Variants in DYNC1I1 observed in about 807,000 individuals in gnomAD.
DYNC1I1 encodes the protein dynein cytoplasmic 1 intermediate chain 1.
DYNC1I1 carries 43 observed loss-of-function variants against 86.6 expected under a neutral mutation model. That is an observed-to-expected ratio of 0.50 (90% CI 0.39 to 0.64). The LOEUF is 0.64. DYNC1I1 is among the 30% of genes least tolerant of loss of function. DYNC1I1 has a pLI of 0.00. For missense variants in DYNC1I1, 604 were observed against 788.8 expected (o/e 0.77, Z 2.81); for synonymous variants, 262 against 283.7 (o/e 0.92, Z 0.77).
At chr7:95,803,446 A>G (rs1157719970) in intron 1 of DYNC1I1, among the ~76,000 whole-genome samples, 2 of 152,252 alleles carry the variant, frequency 1.3e-5, no homozygotes, top group African/African-American at 2.4e-5. Flanking sequence ...GGTTATTGCA[A>G]TCATTCTGAT....
rs374878096 is a variant in DYNC1I1, at chr7:96,031,369, A to G, written c.1117-1298A>G. Reference sequence around the variant, plus strand: ...GGGAGAGGAGTAACAGGGAACAACTATCTATAAATATTCAAAAAGCTGTAC... The same window carrying G: ...GGGAGAGGAGTAACAGGGAACAACTGTCTATAAATATTCAAAAAGCTGTAC... On this transcript the variant is annotated intron_variant, in intron 11 of 16. Transcript: ENST00000447467. Among the ~76,000 whole-genome samples the G allele has an allele frequency of 7.9e-5, 12 of 152,292 alleles. No individual in the cohort carries two copies. The East Asian group carries it at 1.9e-3, about 24-fold the overall frequency.
chr7:95,920,565 G>T (rs1791584689), intron 6 of DYNC1I1, among the ~76,000 whole-genome samples: 1 of 152,178 alleles, frequency 6.6e-6, no homozygotes, highest in Non-Finnish European at 1.5e-5. Context: ...TGGGTGAGGG[G>T]TCCATCCAAA....
At chr7:95,851,242 CA>C (rs1206956243) in intron 5 of DYNC1I1, among the ~76,000 whole-genome samples, 1 of 151,882 alleles carries the variant, frequency 6.6e-6, no homozygotes, top group Non-Finnish European at 1.5e-5. Context: ...GCCAATATCA[CA>C]ACATTTGATC....
chr7:96,080,073 C>T (rs1330388847), intron 15 of DYNC1I1, among the ~76,000 whole-genome samples: 1 of 152,108 alleles, frequency 6.6e-6, no homozygotes, highest in Non-Finnish European at 1.5e-5. Context: ...TGGATGTACA[C>T]TTGTCATAAT....
At chr7:96,043,741 C>G (rs1487954402) in intron 14 of DYNC1I1, among the ~76,000 whole-genome samples, 2 of 151,458 alleles carry the variant, frequency 1.3e-5, no homozygotes, top group Non-Finnish European at 2.9e-5. Flanking sequence ...AATGTAGTCT[C>G]TCTCTGTTGA....
downstream of DYNC1I1, among the ~76,000 whole-genome samples, chr7:96,099,743 A>G (rs551523510): frequency 1.4e-4 from 22 of 152,186 alleles, 1 homozygote; most frequent in Non-Finnish European, 2.9e-4. Context: ...CCCACCTCCA[A>G]AAATCATCAC....
chr7:96,081,091 A>AAAGAC (rs1790507393), intron 16 of DYNC1I1, among the ~76,000 whole-genome samples: 3 of 151,608 alleles, frequency 2.0e-5, no homozygotes, highest in African/African-American at 7.3e-5. Context: ...AAAGAAAAGA[A>AAAGAC]AAGAAAAGTT....
At chr7:95,899,637 C>T (rs1790981927) in intron 6 of DYNC1I1, among the ~76,000 whole-genome samples, 1 of 152,162 alleles carries the variant, frequency 6.6e-6, no homozygotes, top group Admixed American at 6.5e-5. Context: ...ACCACTCCTT[C>T]AGGCACGTTG....
chr7:95,996,103 C>T (rs1318410264), intron 10 of DYNC1I1, 30 bp downstream of exon 10: 1 of 1,613,568 alleles, frequency 6.2e-7, no homozygotes, highest in South Asian at 1.1e-5. Context: ...AAATAACTTA[C>T]ATCTCCTGCT....
intron 6 of DYNC1I1, among the ~76,000 whole-genome samples, chr7:95,927,810 T>C (rs2116398901): frequency 6.6e-6 from 1 of 152,348 alleles, no homozygotes; most frequent in East Asian, 1.9e-4. Flanking sequence ...ATAGCTGTCC[T>C]TATTCACTGC....
chr7:95,880,748 C>T (rs937454597), intron 6 of DYNC1I1, among the ~76,000 whole-genome samples: 5 of 149,124 alleles, frequency 3.4e-5, no homozygotes, highest in Non-Finnish European at 5.9e-5. Context: ...TGAGTTCAAC[C>T]GATTCTCCTG....
chr7:95,880,640 CTTTTTTTTT>C (rs142182653), intron 6 of DYNC1I1, among the ~76,000 whole-genome samples: 1 of 92,540 alleles, frequency 1.1e-5, no homozygotes, highest in Non-Finnish European at 2.2e-5. Flanking sequence ...CATCTTCTTA[CTTTTTTTTT>C]TTTTTTTTTT....
At chr7:95,986,071 G>C (rs1186047479) in intron 8 of DYNC1I1, among the ~76,000 whole-genome samples, 2 of 82,012 alleles carry the variant, frequency 2.4e-5, no homozygotes, top group Non-Finnish European at 4.9e-5. Context: ...TGTATCTCCT[G>C]AGTTTGCAAT....
chr7:96,100,912 C>T (rs1341535293), downstream of DYNC1I1, among the ~76,000 whole-genome samples: 1 of 152,082 alleles, frequency 6.6e-6, no homozygotes, highest in Admixed American at 6.5e-5. Context: ...CATAGGAACA[C>T]CCAGAGTACA....
chr7:96,094,123 A>G (rs1790927946), intron 16 of DYNC1I1, among the ~76,000 whole-genome samples: 1 of 152,140 alleles, frequency 6.6e-6, no homozygotes, highest in Non-Finnish European at 1.5e-5. Flanking sequence ...TTGACCTACA[A>G]AAAACATAAT....
chr7:95,997,079 T>C (rs919391488), intron 10 of DYNC1I1, among the ~76,000 whole-genome samples: 6 of 152,340 alleles, frequency 3.9e-5, no homozygotes, highest in East Asian at 1.9e-4. Flanking sequence ...CTCAACCTGA[T>C]TGAGTAACCT....
intron 4 of DYNC1I1, among the ~76,000 whole-genome samples, chr7:95,823,392 T>A (rs1247231930): frequency 2.6e-5 from 4 of 152,206 alleles, no homozygotes; most frequent in Non-Finnish European, 4.4e-5. Context: ...ATCACCATTC[T>A]TAATCTGTCT....
intron 9 of DYNC1I1, among the ~76,000 whole-genome samples, chr7:95,993,764 T>C (rs1179644493): frequency 6.6e-6 from 1 of 152,196 alleles, no homozygotes; most frequent in African/African-American, 2.4e-5. Flanking sequence ...TTAGATGTAG[T>C]TATTTTTAAT....
intron 4 of DYNC1I1, among the ~76,000 whole-genome samples, chr7:95,825,583 A>G (rs1172315926): frequency 6.6e-6 from 1 of 152,206 alleles, no homozygotes; most frequent in East Asian, 1.9e-4. Flanking sequence ...AAGAAGGGCT[A>G]ATTTTCTTCA....
Sources: allele counts gnomAD v4.1 joint callset (sites outside exome capture counted in the v4.1 genomes callset), GRCh38; gene constraint gnomAD v4.1.1; transcripts MANE v1.5; gene names NCBI Gene and HGNC (gene_info 2026-07-23, HGNC 2026-07-21).